Variants in THSD7A observed in about 807,000 individuals in gnomAD.
THSD7A encodes the protein thrombospondin type 1 domain containing 7A, also known as thrombospondin type-1 domain-containing protein 7A.
Under a neutral mutation model 231.3 loss-of-function variants are expected in THSD7A, and 96 were observed. The ratio of observed to expected loss-of-function variants is 0.41; its 90% CI spans 0.35 to 0.49. The LOEUF is 0.49. Ranked by LOEUF, THSD7A falls within the 20% of genes least tolerant of loss-of-function variation. THSD7A has a pLI of 0.05. For missense variants in THSD7A, 2,290 were observed against 2,070.2 expected (o/e 1.11, Z -2.06); for synonymous variants, 940 against 743.3 (o/e 1.26, Z -4.30).
At chr7:11,699,965 T>G (rs1468886305) in intron 1 of THSD7A, among the ~76,000 whole-genome samples, 1 of 151,350 alleles carries the variant, frequency 6.6e-6, no homozygotes, top group Non-Finnish European at 1.5e-5. Flanking sequence ...TTTCACTTAC[T>G]TAAAAGCAGA....
intron 1 of THSD7A, among the ~76,000 whole-genome samples, chr7:11,666,384 C>G (rs966693653): frequency 4.0e-5 from 6 of 151,620 alleles, no homozygotes; most frequent in Non-Finnish European, 8.8e-5. Context: ...GGTCATTGAA[C>G]CATCAGAAAG....
At chr7:11,468,388 TA>T (rs879316312) in intron 9 of THSD7A, among the ~76,000 whole-genome samples, 454 of 139,930 alleles carry the variant, frequency 3.2e-3, no homozygotes, top group Middle Eastern at 3.6e-3. Flanking sequence ...TTATTCAGCT[TA>T]AAAAAAAAAA....
At chr7:11,509,291 T>G (rs979243044) in intron 6 of THSD7A, among the ~76,000 whole-genome samples, 1 of 152,150 alleles carries the variant, frequency 6.6e-6, no homozygotes, top group Non-Finnish European at 1.5e-5. Context: ...ACTAGAGCAG[T>G]GATGAACTGC....
chr7:11,737,305 G>C (rs1275219628), intron 1 of THSD7A, among the ~76,000 whole-genome samples: 1 of 151,094 alleles, frequency 6.6e-6, no homozygotes, highest in African/African-American at 2.4e-5. Context: ...GTGTGGTGGT[G>C]GTGAGGGATG....
intron 1 of THSD7A, among the ~76,000 whole-genome samples, chr7:11,734,508 A>T (rs763217227): frequency 1.3e-5 from 2 of 151,982 alleles, no homozygotes; most frequent in Non-Finnish European, 2.9e-5. Flanking sequence ...TATCTGCCTT[A>T]CGTTTTCTTG....
At chr7:11,640,116 G>C (rs984418725) in intron 1 of THSD7A, among the ~76,000 whole-genome samples, 1 of 152,054 alleles carries the variant, frequency 6.6e-6, no homozygotes, top group Non-Finnish European at 1.5e-5. Flanking sequence ...TCACACTTTC[G>C]GTTAGTAGAA....
At chr7:11,659,576 A>T (rs1230798823) in intron 1 of THSD7A, among the ~76,000 whole-genome samples, 4 of 151,302 alleles carry the variant, frequency 2.6e-5, no homozygotes, top group Admixed American at 6.6e-5. Context: ...TTATTGTAGC[A>T]CTTAGTGTGT....
intron 23 of THSD7A, among the ~76,000 whole-genome samples, chr7:11,395,267 G>T (rs1011815692): frequency 1.3e-5 from 2 of 152,082 alleles, no homozygotes; most frequent in Non-Finnish European, 2.9e-5. Context: ...AACAAGAACA[G>T]CTAACTATCC....
At chr7:11,575,999 T>C (rs1025250159) in intron 4 of THSD7A, among the ~76,000 whole-genome samples, 3 of 152,216 alleles carry the variant, frequency 2.0e-5, no homozygotes, top group African/African-American at 7.2e-5. Flanking sequence ...AACTGGTTTC[T>C]GTTGCCTAAT....
intron 1 of THSD7A, among the ~76,000 whole-genome samples, chr7:11,709,140 T>G (rs1040942401): frequency 1.3e-5 from 2 of 150,640 alleles, no homozygotes; most frequent in African/African-American, 4.9e-5. Context: ...GACAAGGCTA[T>G]CGAGTTTCTT....
At chr7:11,436,162 CTCACA>C (rs1784625714) in intron 13 of THSD7A, among the ~76,000 whole-genome samples, 1 of 151,816 alleles carries the variant, frequency 6.6e-6, no homozygotes, top group Non-Finnish European at 1.5e-5. Flanking sequence ...GTTTAAAAAC[CTCACA>C]TTAGTAATAG....
At chr7:11,559,568 C>T (rs1789994421) in intron 4 of THSD7A, among the ~76,000 whole-genome samples, 1 of 150,924 alleles carries the variant, frequency 6.6e-6, no homozygotes, top group Non-Finnish European at 1.5e-5. Flanking sequence ...GGATGTATGA[C>T]TTGTGAAACA....
intron 17 of THSD7A, among the ~76,000 whole-genome samples, chr7:11,414,724 G>A (rs1783901808): frequency 6.6e-6 from 1 of 152,130 alleles, no homozygotes; most frequent in South Asian, 2.1e-4. Context: ...AAGCCTCCAT[G>A]GACTTTTTAA....
Position 11,607,238 on chromosome 7 carries a change from A to G in THSD7A, c.1023-13736T>C, listed in dbSNP as rs564402191. 2.6e-5 allele frequency among the ~76,000 whole-genome samples: 4 copies of G among 152,262 alleles called. 1 individual carries two copies. The highest frequency in any genetic ancestry group is 9.6e-5 in the African/African-American group (4 of 41,574). ...GACAAATCTATTGTTTGCTTTTTCAATACTAATGAATGGGGTAGGAGGATT... is the reference window on the plus strand; with the variant it reads ...GACAAATCTATTGTTTGCTTTTTCAGTACTAATGAATGGGGTAGGAGGATT... On this transcript the variant is annotated intron_variant, in intron 2 of 27. Coordinates refer to ENST00000423059, the MANE Select transcript of THSD7A (RefSeq NM_015204.3).
chr7:11,406,375 A>T lies in THSD7A; in HGVS notation c.4162T>A (p.Cys1388Ser). The T allele has an allele frequency of 6.2e-7, 1 of 1,613,982 alleles. No individual in the cohort carries two copies. The highest frequency in any genetic ancestry group is 1.7e-5 in the Admixed American group (1 of 60,016). ...DFSKVVDEEF[C>S]ADIELIIDGN... ...TCTATAATGAGTTCAATGTCAGCACAGAATTCCTCATCCACCACTTTGCTG... is the reference window on the plus strand; with the variant it reads ...TCTATAATGAGTTCAATGTCAGCACTGAATTCCTCATCCACCACTTTGCTG... Residue 1388 changes from cysteine (C) to serine (S), a missense_variant, in exon 22 of 28, where the codon TGT (cysteine) becomes AGT (serine). Cys to Ser is a moderately radical substitution (Grantham distance 112). Transcript: ENST00000423059. The surrounding 1 kb of genome is among the most constrained non-coding windows in gnomAD (Gnocchi z 4.7).
chr7:11,828,373 T>A (rs1041143410), intron 1 of THSD7A, among the ~76,000 whole-genome samples: 3 of 152,170 alleles, frequency 2.0e-5, no homozygotes, highest in Non-Finnish European at 4.4e-5. Flanking sequence ...AGAATGGCCT[T>A]CTACTCCTTC....
intron 1 of THSD7A, among the ~76,000 whole-genome samples, chr7:11,773,330 C>T (rs780020438): frequency 5.9e-5 from 9 of 152,064 alleles, no homozygotes; most frequent in South Asian, 2.1e-4. Context: ...GTCGGGAGTT[C>T]GTGACCAGCC....
At chr7:11,512,395 G>C (rs990508917) in intron 6 of THSD7A, among the ~76,000 whole-genome samples, 6 of 152,218 alleles carry the variant, frequency 3.9e-5, no homozygotes, top group Middle Eastern at 3.4e-3. Flanking sequence ...CAAGGATCTA[G>C]AACTAGAAAT....
Position 11,832,158 on chromosome 7 carries a change from T to C in THSD7A, c.-212A>G, listed in dbSNP as rs1225320931. On this transcript the variant is annotated 5_prime_UTR_variant, in exon 1 of 28. Coordinates refer to ENST00000423059, the MANE Select transcript of THSD7A (RefSeq NM_015204.3). ...GGCCGCTGCCGCCGCCGCCGCCGCC[T>C]CTGGCGGGGATGCTGCTGCCGCTGC... is the stretch of plus-strand genomic sequence containing the variant. The C allele has an allele frequency of 1.2e-5, 4 of 336,358 alleles. No individual in the cohort carries two copies. The highest frequency in any genetic ancestry group is 2.1e-5 in the Non-Finnish European group (4 of 189,616). 20.8% of individuals were successfully genotyped at this position (336,358 alleles called of 1,614,324 possible).
Sources: allele counts gnomAD v4.1 joint callset (sites outside exome capture counted in the v4.1 genomes callset), GRCh38; gene constraint gnomAD v4.1.1; non-coding constraint Gnocchi (gnomAD v3.1); transcripts MANE v1.5; gene names NCBI Gene and HGNC (gene_info 2026-07-23, HGNC 2026-07-21).